Variants in GPHN observed in about 807,000 individuals in gnomAD.
The protein encoded by GPHN is gephyrin.
A neutral mutation model predicts 95.5 loss-of-function variants in GPHN; 17 were observed. The ratio of observed to expected loss-of-function variants is 0.18; its 90% confidence interval spans 0.12 to 0.27. GPHN has a LOEUF of 0.27. GPHN is among the 10% of genes least tolerant of loss of function. GPHN has a pLI of 1.00. For missense variants in GPHN, 660 were observed against 978.1 expected (o/e 0.67, Z 4.34); for synonymous variants, 320 against 322.5 (o/e 0.99, Z 0.08).
chr14:67,067,014 T>G (rs1308108316), intron 11 of GPHN, among the ~76,000 whole-genome samples: 2 of 152,242 alleles, frequency 1.3e-5, no homozygotes, highest in African/African-American at 4.8e-5. Flanking sequence ...AAAGGCGCTC[T>G]GGTTTTTAGA....
the GPHN span, among the ~76,000 whole-genome samples, chr14:67,284,940 G>A: frequency 4.0e-5 from 6 of 151,600 alleles, no homozygotes; most frequent in Admixed American, 1.3e-4. Context: ...TTGTAGAGAC[G>A]GGATCTCACT....
chr14:66,905,723 G>T (rs566489264), intron 5 of GPHN, among the ~76,000 whole-genome samples: 1 of 151,928 alleles, frequency 6.6e-6, no homozygotes, highest in African/African-American at 2.4e-5. Context: ...CCCTTGCCCC[G>T]CTCCCTCTCT....
Position 66,577,964 on chromosome 14 carries a change from C to T in GPHN, c.64+69373C>T, listed in dbSNP as rs76814616. Among the ~76,000 whole-genome samples, 458 of 151,920 alleles carry T rather than the reference C, an allele frequency of 3.0e-3. 2 individuals carry two copies. Among genetic ancestry groups the T allele is most frequent in the African/African-American group, 0.01 (435 of 41,472 alleles). On this transcript the variant is annotated intron_variant, in intron 1 of 22. Transcript: ENST00000478722. ...AAATGTAAATATTTTTAAGACATTG[C>T]ATTTGATAAGGAATAAAGGAAGAGT...
chr14:67,631,630 C>T, the GPHN span, among the ~76,000 whole-genome samples: 2 of 152,034 alleles, frequency 1.3e-5, no homozygotes, highest in East Asian at 3.8e-4. Context: ...CAGGGTCTCA[C>T]TATGTTGCCC....
chr14:67,415,231 A>G, the GPHN span, among the ~76,000 whole-genome samples: 9 of 152,348 alleles, frequency 5.9e-5, no homozygotes, highest in African/African-American at 2.2e-4. Context: ...ACATACTTTT[A>G]AATTAAATTT....
At chr14:66,647,547 C>T (rs981953605) in intron 1 of GPHN, among the ~76,000 whole-genome samples, 4 of 151,680 alleles carry the variant, frequency 2.6e-5, no homozygotes, top group Admixed American at 2.6e-4. Context: ...TGTTACTGAG[C>T]CCTGTATATA....
chr14:66,522,882 C>CA (rs1415009970), intron 1 of GPHN, among the ~76,000 whole-genome samples: 1 of 151,682 alleles, frequency 6.6e-6, no homozygotes, highest in African/African-American at 2.4e-5. Context: ...AGAAACTGAC[C>CA]AGTCTTGGTT....
At chr14:66,835,463 T>C (rs547111236) in intron 4 of GPHN, among the ~76,000 whole-genome samples, 1 of 152,122 alleles carries the variant, frequency 6.6e-6, no homozygotes, top group Admixed American at 6.6e-5. Context: ...ATAAGAGCTA[T>C]CTATGACAAA....
chr14:67,598,272 C>T, the GPHN span, among the ~76,000 whole-genome samples: 1 of 152,206 alleles, frequency 6.6e-6, no homozygotes, highest in East Asian at 1.9e-4. Flanking sequence ...ACTGATTCCT[C>T]GGGTACTTGA....
Position 66,562,896 on chromosome 14 carries a change from C to T in GPHN, c.64+54305C>T, listed in dbSNP as rs1283932666. Among the ~76,000 whole-genome samples the T allele has an allele frequency of 4.6e-5, 7 of 151,360 alleles. No individual in the cohort carries two copies. In the East Asian group the frequency reaches 5.8e-4, roughly 13 times the overall value. On this transcript the variant is annotated intron_variant, in intron 1 of 22. Coordinates refer to ENST00000478722, the MANE Select transcript of GPHN (RefSeq NM_020806.5). The stretch of plus-strand genomic sequence containing the variant: ...GTGTGTGTGTTTGTGTGTGTGTGTG[C>T]GCAAACTTGCCTTTTCTTAATTGAC...
chr14:67,531,905 A>C, the GPHN span, among the ~76,000 whole-genome samples: 2 of 116,476 alleles, frequency 1.7e-5, no homozygotes, highest in Admixed American at 1.7e-4. Flanking sequence ...AGAAGAACCT[A>C]TGTCCAAAAA....
chr14:67,217,371 A>G, the GPHN span, among the ~76,000 whole-genome samples: 8 of 152,292 alleles, frequency 5.3e-5, no homozygotes, highest in South Asian at 1.7e-3. Flanking sequence ...CAGCCAGTCT[A>G]TATCTTTTAA....
chr14:67,359,972 CTCCCCA>C, the GPHN span: 2 of 539,510 alleles, frequency 3.7e-6, no homozygotes, highest in Non-Finnish European at 6.6e-6. Context: ...CTCCCAACCC[CTCCCCA>C]TCCAGCTTCC....
At chr14:67,652,824 C>T in the GPHN span, among the ~76,000 whole-genome samples, 688 of 152,170 alleles carry the variant, frequency 4.5e-3, 5 homozygotes, top group African/African-American at 0.016. Flanking sequence ...GACGGAGTCT[C>T]GCTTTGTCCC....
chr14:67,411,994 T>G, the GPHN span: 1 of 1,536,014 alleles, frequency 6.5e-7, no homozygotes, highest in African/African-American at 1.4e-5. Flanking sequence ...CCGGGCAATG[T>G]CCCGAAGCTC....
the GPHN span, chr14:67,684,946 A>G: frequency 9.2e-6 from 12 of 1,309,118 alleles, no homozygotes; most frequent in Non-Finnish European, 1.3e-5. Flanking sequence ...AAAAGGGTAT[A>G]CCCAGACAAA....
chr14:67,311,675 G>C, the GPHN span, among the ~76,000 whole-genome samples: 2 of 152,100 alleles, frequency 1.3e-5, no homozygotes, highest in Admixed American at 1.3e-4. Context: ...ATACAGAATA[G>C]CTTATAAAGT....
intron 9 of GPHN, among the ~76,000 whole-genome samples, chr14:67,021,292 A>C (rs1444744370): frequency 6.6e-6 from 1 of 152,142 alleles, no homozygotes; most frequent in Non-Finnish European, 1.5e-5. Context: ...GATTCTCCCC[A>C]AATCTGGTTC....
At chr14:67,569,944 T>TC in the GPHN span, 1 of 1,609,966 alleles carries the variant, frequency 6.2e-7, no homozygotes, top group Non-Finnish European at 8.5e-7. Context: ...TGCCCTTGTT[T>TC]CCCCTGGGTC....
Sources: gnomAD v4.1 joint callset for allele counts (sites outside exome capture counted in the v4.1 genomes callset) on GRCh38, gnomAD v4.1.1 for gene constraint, MANE v1.5 for transcripts, NCBI Gene and HGNC (gene_info 2026-07-23, HGNC 2026-07-21) for gene names.